BICRA: variants seen among roughly 807,000 people sequenced by gnomAD.
BICRA encodes BRD4-interacting chromatin-remodeling complex-associated protein.
In BICRA, 31 loss-of-function variants were observed where a neutral mutation model predicts 96.9. The ratio of observed to expected loss-of-function variants is 0.32; its 90% CI spans 0.24 to 0.43. BICRA has a LOEUF of 0.43. Ranked by LOEUF, BICRA falls within the 20% of genes least tolerant of loss-of-function variation. BICRA has a pLI of 1.00. For synonymous variants in BICRA, 1,350 were observed against 1,071.8 expected (o/e 1.26, Z -5.07); for missense variants, 2,283 against 2,190.3 (o/e 1.04, Z -0.84).
rs376776069 is a variant in BICRA, at chr19:47,657,364, C to T, written c.-107-13079C>T. 3.0e-4 allele frequency among the ~76,000 whole-genome samples: 46 copies of T among 151,864 alleles called. 1 individual carries two copies. The highest frequency in any genetic ancestry group is 1.0e-3 in the African/African-American group (43 of 41,416). Reference sequence around the variant, plus strand: ...TGTTGATGGCTTTCTGTGCCATTTACAGTTAGGGGCTTTTATGAATAAGGC... The same window carrying T: ...TGTTGATGGCTTTCTGTGCCATTTATAGTTAGGGGCTTTTATGAATAAGGC... On this transcript the variant is annotated intron_variant, in intron 1 of 14. Transcript: ENST00000594866.
Position 47,702,727 on chromosome 19 carries a change from A to G in BICRA, c.*312A>G, listed in dbSNP as rs377037068. On this transcript the variant is annotated 3_prime_UTR_variant, in exon 15 of 15. Transcript: ENST00000594866. Reference sequence around the variant, plus strand: ...GCCCCTCTGTCCGGGGGACACGCGCATGTGTTTGCCAGGGATGGGGCCACC... The same window carrying G: ...GCCCCTCTGTCCGGGGGACACGCGCGTGTGTTTGCCAGGGATGGGGCCACC... The G allele has an allele frequency of 2.5e-6, 1 of 395,568 alleles. No individual in the cohort carries two copies. Among genetic ancestry groups the G allele is most frequent in the Non-Finnish European group, 4.5e-6 (1 of 222,156 alleles). 24.5% of individuals were successfully genotyped at this position (395,568 alleles called of 1,614,324 possible). A position where few individuals can be genotyped will look rare whatever the true frequency, so the allele number is the denominator to read the frequency against.
At chr19:47,695,497 G>C in intron 10 of BICRA, 23 bp downstream of exon 10, 1 of 1,129,586 alleles carries the variant, frequency 8.9e-7, no homozygotes, top group Non-Finnish European at 1.3e-6. Flanking sequence ...TAGAGCAGGG[G>C]TCAGGACAGG....
In BICRA at chr19:47,671,181, TG is replaced by T. The variant is rs576866925; in HGVS notation, c.-6+643del. 2.0e-5 allele frequency among the ~76,000 whole-genome samples: 3 copies of T among 152,140 alleles called. No individual in the cohort carries two copies. The East Asian group carries it at 5.8e-4, about 29-fold the overall frequency. ...TCAGCAAATATGCCCCAGCCCACTG[TG>T]GGGGGTCCCTGGTCAGGGCTCTTCA... On this transcript the variant is annotated intron_variant, in intron 2 of 14. Coordinates refer to ENST00000594866, the MANE Select transcript of BICRA (RefSeq NM_001394372.1).
chr19:47,694,967 G>C lies in BICRA; in HGVS notation c.2963G>C (p.Ser988Thr). 1 of 1,558,042 alleles carries C rather than the reference G, an allele frequency of 6.4e-7. No individual in the cohort carries two copies. Among genetic ancestry groups the C allele is most frequent in the Non-Finnish European group, 8.6e-7 (1 of 1,159,326 alleles). Residue 988 changes from serine to threonine, a missense_variant, in exon 9 of 15, where the codon AGC becomes ACC. Transcript: ENST00000594866. ...GAPAAPQTST[S>T]LGPLTSPAAS... is the part of the protein sequence containing the mutation. ...CCTGCCGCCCCGCAGACCTCCACCA[G>C]CCTGGGGCCCCTCACCAGCCCCGCT... is the stretch of plus-strand genomic sequence containing the variant.
intron 1 of BICRA, among the ~76,000 whole-genome samples, chr19:47,634,814 G>T (rs1265657308): frequency 6.9e-6 from 1 of 145,484 alleles, no homozygotes; most frequent in African/African-American, 2.6e-5. Context: ...CCAGGCTGGA[G>T]TGCAGTGGCG....
chr19:47,695,521 G>T, intron 10 of BICRA, 47 bp downstream of exon 10: 1 of 832,928 alleles, frequency 1.2e-6, no homozygotes, highest in South Asian at 1.5e-5. Context: ...AGGAGTCTTC[G>T]GGAACTGGGA....
chr19:47,674,493 G>A (rs1000649781), intron 4 of BICRA, among the ~76,000 whole-genome samples: 5 of 152,176 alleles, frequency 3.3e-5, no homozygotes, highest in African/African-American at 9.7e-5. Context: ...ATCTATGGCT[G>A]TGTAGATTAT....
chr19:47,666,503 C>T (rs1972781376), intron 1 of BICRA, among the ~76,000 whole-genome samples: 3 of 152,116 alleles, frequency 2.0e-5, no homozygotes, highest in Admixed American at 2.0e-4. Context: ...TCTTGAACTC[C>T]TGACCTCAGT....
chr19:47,656,598 A>G (rs1467555296), intron 1 of BICRA, among the ~76,000 whole-genome samples: 1 of 152,178 alleles, frequency 6.6e-6, no homozygotes, highest in Non-Finnish European at 1.5e-5. Context: ...TCAATTGCAC[A>G]GGGGTTTTTT....
chr19:47,652,466 G>A (rs1228162764), intron 1 of BICRA, among the ~76,000 whole-genome samples: 1 of 152,142 alleles, frequency 6.6e-6, no homozygotes, highest in Non-Finnish European at 1.5e-5. Context: ...GGGATTACAG[G>A]TGTGAGCCAC....
Position 47,694,424 on chromosome 19 carries a change from C to G in BICRA, c.2593C>G (p.Gln865Glu). Residue 865 changes from glutamine to glutamate, a missense_variant, in exon 8 of 15, where the codon CAG (glutamine) becomes GAG (glutamate). Coordinates refer to ENST00000594866, the MANE Select transcript of BICRA (RefSeq NM_001394372.1). ...CCCGCCGCAGCCGCCTCTCCGCCCC[C>G]AGTCCCAGCCGCCTGAGGGACCGCT... is the stretch of plus-strand genomic sequence containing the variant. ...PGPPQPPLRP[Q>E]SQPPEGPLPP... is the part of the protein sequence containing the mutation. 2 of 1,073,604 alleles carry G rather than the reference C, an allele frequency of 1.9e-6. No individual in the cohort carries two copies. The highest frequency in any genetic ancestry group is 2.8e-6 in the Non-Finnish European group (2 of 707,838). 66.5% of individuals were successfully genotyped at this position (1,073,604 alleles called of 1,614,324 possible). A position where few individuals can be genotyped will look rare whatever the true frequency, so the allele number is the denominator to read the frequency against.
chr19:47,673,670 C>T (rs1249079602), intron 3 of BICRA, 50 bp from the exon 4 acceptor site: 1 of 1,470,260 alleles, frequency 6.8e-7, no homozygotes, highest in African/African-American at 1.4e-5. Context: ...TCCCTTCCCT[C>T]CCCTCCCCAG....
At chr19:47,667,288 T>G (rs12610215) in intron 1 of BICRA, among the ~76,000 whole-genome samples, 64,281 of 152,132 alleles carry the variant, frequency 0.42, 13,739 homozygotes, top group East Asian at 0.52. Context: ...GTGCTGGGAT[T>G]ACAGGCGTGA....
intron 1 of BICRA, among the ~76,000 whole-genome samples, chr19:47,650,979 G>C (rs911624495): frequency 2.6e-5 from 4 of 152,130 alleles, no homozygotes; most frequent in African/African-American, 9.7e-5. Context: ...TGGCTCTGCT[G>C]TTCCCTTACA....
rs1459717105 is a variant in BICRA, at chr19:47,702,013, G to A, written c.4281G>A (p.Gly1427=). The A allele has an allele frequency of 3.4e-6, 5 of 1,488,902 alleles. No homozygotes were observed. Among genetic ancestry groups the A allele is most frequent in the Non-Finnish European group, 4.4e-6 (5 of 1,128,454 alleles). The allele number at this position is 1,488,902 out of a possible 1,614,324, so 92.2% of individuals were successfully genotyped here. A position where few individuals can be genotyped will look rare whatever the true frequency, so the allele number is the denominator to read the frequency against. Residue 1427 remains glycine, a synonymous_variant, in exon 15 of 15, where the codon GGG becomes GGA. Coordinates refer to ENST00000594866, the MANE Select transcript of BICRA (RefSeq NM_001394372.1). The part of the protein sequence containing the change: ...LPAKVDEATS[G]LIRELAAVED... Reference sequence around the variant, plus strand: ...CCAAAGTGGACGAGGCCACCAGCGGGCTCATCCGCGAGCTGGCGGCCGTGG... The same window carrying A: ...CCAAAGTGGACGAGGCCACCAGCGGACTCATCCGCGAGCTGGCGGCCGTGG...
chr19:47,611,981 C>G (rs1210228316), intron 1 of BICRA, among the ~76,000 whole-genome samples: 1 of 151,964 alleles, frequency 6.6e-6, no homozygotes, highest in African/African-American at 2.4e-5. Context: ...AGCGATTGTC[C>G]TGCCTCAGCG....
intron 1 of BICRA, among the ~76,000 whole-genome samples, chr19:47,627,234 A>AT (rs1972155009): frequency 6.6e-6 from 1 of 152,192 alleles, no homozygotes; most frequent in East Asian, 1.9e-4. Context: ...AGAGAGCAAT[A>AT]TGTTCCTGAG....
At chr19:47,659,685 T>TAC (rs10567798) in intron 1 of BICRA, among the ~76,000 whole-genome samples, 20,031 of 132,288 alleles carry the variant, frequency 0.15, 1,663 homozygotes, top group Non-Finnish European at 0.2. Context: ...TGGTGGTGCA[T>TAC]ACACACACAC....
At chr19:47,637,423 T>C (rs1057512124) in intron 1 of BICRA, among the ~76,000 whole-genome samples, 2 of 150,756 alleles carry the variant, frequency 1.3e-5, no homozygotes, top group African/African-American at 2.4e-5. Context: ...CCAGCCTGTT[T>C]TTATTTTTTG....
Sources: allele counts gnomAD v4.1 joint callset (sites outside exome capture counted in the v4.1 genomes callset), GRCh38; gene constraint gnomAD v4.1.1; transcripts MANE v1.5; gene names NCBI Gene and HGNC (gene_info 2026-07-23, HGNC 2026-07-21).